GTSE1: variants seen among roughly 807,000 people sequenced by gnomAD.
The protein encoded by GTSE1 is G2 and S-phase expressed 1.
In GTSE1, 52 loss-of-function variants were observed where a neutral mutation model predicts 60.5. The ratio of observed to expected loss-of-function variants is 0.86; its 90% CI spans 0.69 to 1.08. GTSE1 has a LOEUF of 1.08. Ranked by LOEUF, GTSE1 falls within the 50% of genes least tolerant of loss-of-function variation. The pLI is 0.00. For synonymous variants in GTSE1, 368 were observed against 386.5 expected, an observed-to-expected ratio of 0.95 and a Z score of 0.56; for missense variants, 937 against 961.8, an observed-to-expected ratio of 0.97 and a Z score of 0.34.
At chr22:46,301,148 G>A (rs2077687200) in intron 2 of GTSE1, among the ~76,000 whole-genome samples, 1 of 152,214 alleles carries the variant, frequency 6.6e-6, no homozygotes, top group African/African-American at 2.4e-5. Context: ...CATCTGCTGT[G>A]GGTGAACATT....
Position 46,323,174 on chromosome 22 carries a change from C to A in GTSE1, c.1433-16C>A, listed in dbSNP as rs776179255. Reference sequence around the variant, plus strand: ...GATCACTTTACCTGACCGCACACTTCCTTTCTTGGACTTAGGTGACTCCCC... The same window carrying A: ...GATCACTTTACCTGACCGCACACTTACTTTCTTGGACTTAGGTGACTCCCC... On this transcript the variant is annotated splice_polypyrimidine_tract_variant and intron_variant, in intron 7 of 11. Transcript: ENST00000454366. 2 of 1,598,688 alleles carry A rather than the reference C, an allele frequency of 1.3e-6. No homozygotes were observed.
In GTSE1 at chr22:46,329,868, G is replaced by A. The variant is rs1047437833; in HGVS notation, c.2137-179G>A. On this transcript the variant is annotated intron_variant, in intron 11 of 11. Coordinates refer to ENST00000454366, the MANE Select transcript of GTSE1 (RefSeq NM_016426.7). This position sits in a 1 kb window ranked among gnomAD's most constrained non-coding sequence, Gnocchi z 6.4. ...GCATGGTGGGGGCCTGGGCTTCTCCGTGTGTGTCCTGTCTCCTTCCAGCTT... is the reference window on the plus strand; with the variant it reads ...GCATGGTGGGGGCCTGGGCTTCTCCATGTGTGTCCTGTCTCCTTCCAGCTT... 6.6e-6 allele frequency among the ~76,000 whole-genome samples: 1 copy of A among 152,226 alleles called. No homozygotes were observed. The highest frequency in any genetic ancestry group is 2.4e-5 in the African/African-American group (1 of 41,456).
chr22:46,308,830 T>C lies in GTSE1; in HGVS notation c.649T>C (p.Cys217Arg), dbSNP rs776875143. 1.5e-5 allele frequency: 24 copies of C among 1,613,212 alleles called. No homozygotes were observed. Among genetic ancestry groups the C allele is most frequent in the African/African-American group, 1.3e-4 (10 of 74,958 alleles). The part of the protein sequence containing the change: ...HSAHALPRES[C>R]TAHAASQAAT... ...TGCTCATGCTTTGCCCAGGGAATCATGCACTGCTCATGCTGCAAGTCAGGC... is the reference window on the plus strand; with the variant it reads ...TGCTCATGCTTTGCCCAGGGAATCACGCACTGCTCATGCTGCAAGTCAGGC... Residue 217 changes from cysteine to arginine, a missense_variant, in exon 4 of 12, where the codon TGC becomes CGC. Coordinates refer to ENST00000454366, the MANE Select transcript of GTSE1 (RefSeq NM_016426.7).
In GTSE1 at chr22:46,313,423, T is replaced by C. The variant is rs932627054; in HGVS notation, c.928-467T>C. 6.6e-6 allele frequency among the ~76,000 whole-genome samples: 1 copy of C among 152,208 alleles called. No homozygotes were observed. Among genetic ancestry groups the C allele is most frequent in the Non-Finnish European group, 1.5e-5 (1 of 68,034 alleles). On this transcript the variant is annotated intron_variant, in intron 5 of 11. Transcript: ENST00000454366. This position sits in a 1 kb window ranked among gnomAD's most constrained non-coding sequence, Gnocchi z 4.4. The stretch of plus-strand genomic sequence containing the variant: ...ATGCAGGGGTTTGAAGACTACACTT[T>C]GAGAAGTGCTGCTTGACTTTTTTCT...
chr22:46,304,115 G>A lies in GTSE1; in HGVS notation c.80-4035G>A, dbSNP rs555469307. Among the ~76,000 whole-genome samples the A allele has an allele frequency of 2.0e-5, 3 of 152,142 alleles. No homozygotes were observed. Among genetic ancestry groups the A allele is most frequent in the Admixed American group, 6.6e-5 (1 of 15,262 alleles). ...CGCAAGCTCCTGGGCTCAGCATCCT[G>A]AGTAGCTGGGACTACAGGTATATGG... On this transcript the variant is annotated intron_variant, in intron 2 of 11. Transcript: ENST00000454366. This position sits in a 1 kb window ranked among gnomAD's most constrained non-coding sequence, Gnocchi z 4.4.
chr22:46,317,881 C>T lies in GTSE1; in HGVS notation c.1432+1469C>T, dbSNP rs77691031. 0.041 allele frequency among the ~76,000 whole-genome samples: 6,197 copies of T among 152,150 alleles called. 174 individuals are homozygous for T. The highest frequency in any genetic ancestry group is 0.079 in the African/African-American group (3,265 of 41,554). On this transcript the variant is annotated intron_variant, in intron 7 of 11. Transcript: ENST00000454366. The surrounding 1 kb of genome is among the most constrained non-coding windows in gnomAD (Gnocchi z 5.6). ...GCTCCCTGGTAAGACGGCGGTTTCT[C>T]GGCCCTGTGAGCTCCGCTCGTTGCT...
Position 46,313,986 on chromosome 22 carries a change from G to A in GTSE1, c.1024G>A (p.Ala342Thr), listed in dbSNP as rs778285118. ...SGPVWSGASSACTSPAVGKAK... is the reference protein window; with the variant it reads ...SGPVWSGASSTCTSPAVGKAK... ...GCCTGTTTGGAGCGGGGCATCCAGT[G>A]CGTGCACATCCCCAGCAGTGGGCAA... is the stretch of plus-strand genomic sequence containing the variant. The change falls in exon 6 of 12, where the codon GCG (alanine) becomes ACG (threonine). Residue 342 changes from alanine (A) to threonine (T), a missense_variant. Physicochemically the swap from Ala to Thr is moderately conservative, Grantham distance 58 (BLOSUM62 0). Coordinates refer to ENST00000454366, the MANE Select transcript of GTSE1 (RefSeq NM_016426.7). This position sits in a 1 kb window ranked among gnomAD's most constrained non-coding sequence, Gnocchi z 4.4. The A allele has an allele frequency of 1.9e-6, 3 of 1,614,210 alleles. No homozygotes were observed. The highest frequency in any genetic ancestry group is 2.5e-6 in the Non-Finnish European group (3 of 1,180,014).
At chr22:46,312,634 G>A (rs1200666550) in intron 5 of GTSE1, among the ~76,000 whole-genome samples, 2 of 133,248 alleles carry the variant, frequency 1.5e-5, no homozygotes, top group Non-Finnish European at 3.1e-5. Context: ...ATGAGACCCT[G>A]TCTCAAAAAA....
Position 46,323,279 on chromosome 22 carries a change from C to A in GTSE1, c.1505+17C>A. The stretch of plus-strand genomic sequence containing the variant: ...AGTTGGCAGGTGAGTGACGTTGGTC[C>A]GCTTCCTCTCTTTATTGCTGTAGAA... On this transcript the variant is annotated intron_variant, in intron 8 of 11. Coordinates refer to ENST00000454366, the MANE Select transcript of GTSE1 (RefSeq NM_016426.7). 1 of 1,584,046 alleles carries A rather than the reference C, an allele frequency of 6.3e-7. No individual in the cohort carries two copies. The highest frequency in any genetic ancestry group is 1.3e-5 in the African/African-American group (1 of 74,254).
At chr22:46,300,626 T>G (rs1044598591) in intron 2 of GTSE1, among the ~76,000 whole-genome samples, 1 of 152,158 alleles carries the variant, frequency 6.6e-6, no homozygotes, top group Non-Finnish European at 1.5e-5. Flanking sequence ...CCCTCCAGGG[T>G]GGGCTGCATG....
At chr22:46,315,993 C>T in intron 6 of GTSE1, 39 bp from the exon 7 acceptor site, 1 of 1,453,472 alleles carries the variant, frequency 6.9e-7, no homozygotes, top group Non-Finnish European at 9.2e-7. Flanking sequence ...TAGCTTCATA[C>T]TTTTATAATA....
Position 46,329,572 on chromosome 22 carries a change from G to T in GTSE1, c.2136+5G>T. On this transcript the variant is annotated splice_donor_5th_base_variant and intron_variant, in intron 11 of 11. Coordinates refer to ENST00000454366, the MANE Select transcript of GTSE1 (RefSeq NM_016426.7). The surrounding 1 kb of genome is among the most constrained non-coding windows in gnomAD (Gnocchi z 6.4). Reference sequence around the variant, plus strand: ...CCTTCACCGGTGGTGGGACAGGTGAGAAGTGGCAGGTGGTTCATGTTGACT... The same window carrying T: ...CCTTCACCGGTGGTGGGACAGGTGATAAGTGGCAGGTGGTTCATGTTGACT... 1 of 1,609,054 alleles carries T rather than the reference G, an allele frequency of 6.2e-7. No homozygotes were observed. Among genetic ancestry groups the T allele is most frequent in the African/African-American group, 1.3e-5 (1 of 74,956 alleles).
intron 2 of GTSE1, among the ~76,000 whole-genome samples, chr22:46,307,294 A>G (rs1485729629): frequency 2.6e-5 from 4 of 152,168 alleles, no homozygotes; most frequent in Non-Finnish European, 5.9e-5. Context: ...TCATTGTTGA[A>G]CTATGAATAG....
chr22:46,305,558 A>G (rs183154615), intron 2 of GTSE1, among the ~76,000 whole-genome samples: 93 of 151,942 alleles, frequency 6.1e-4, no homozygotes, highest in Middle Eastern at 3.4e-3. Flanking sequence ...GTAGTGAGCC[A>G]AGATCACACC....
intron 9 of GTSE1, chr22:46,326,968 C>T (rs888264178): frequency 1.4e-5 from 3 of 210,028 alleles, no homozygotes; most frequent in Non-Finnish European, 2.8e-5. Flanking sequence ...TTTGGGAGGC[C>T]GAGGCAGGCA....
At position 46,321,943 on chromosome 22, in the gene GTSE1, G is replaced by A. The variant is rs915415919; in HGVS notation, c.1433-1247G>A. Among the ~76,000 whole-genome samples, 1 of 151,876 alleles carries A rather than the reference G, an allele frequency of 6.6e-6. No individual in the cohort carries two copies. The highest frequency in any genetic ancestry group is 2.1e-4 in the South Asian group (1 of 4,810). The stretch of plus-strand genomic sequence containing the variant: ...ACAAAAATTATCCGGGCGTGGTGGC[G>A]GGCACCTATAATTCCAGCTACTCAG... On this transcript the variant is annotated intron_variant, in intron 7 of 11. Coordinates refer to ENST00000454366, the MANE Select transcript of GTSE1 (RefSeq NM_016426.7). This position sits in a 1 kb window ranked among gnomAD's most constrained non-coding sequence, Gnocchi z 4.0.
At chr22:46,305,392 G>C (rs1427262048) in intron 2 of GTSE1, among the ~76,000 whole-genome samples, 1 of 146,482 alleles carries the variant, frequency 6.8e-6, no homozygotes, top group Admixed American at 6.8e-5. Flanking sequence ...GAGGGATCAC[G>C]AGGTCAGGAG....
rs764129714 is a variant in GTSE1 at position 46,330,112 on chromosome 22, C to A, written c.2202C>A (p.Ser734=). The change falls in exon 12 of 12, where the codon TCC becomes TCA. Residue 734 remains serine, a synonymous_variant. Coordinates refer to ENST00000454366, the MANE Select transcript of GTSE1 (RefSeq NM_016426.7). This position sits in a 1 kb window ranked among gnomAD's most constrained non-coding sequence, Gnocchi z 6.0. Reference sequence around the variant, plus strand: ...AGGCTGACAAGGAGAACGTGGATTCCCCACTCCTCAAGTTCTAAGCCGAAC... The same window carrying A: ...AGGCTGACAAGGAGAACGTGGATTCACCACTCCTCAAGTTCTAAGCCGAAC... ...SPEADKENVD[S]PLLKF 1.2e-6 allele frequency: 2 copies of A among 1,604,294 alleles called. No individual in the cohort carries two copies. The highest frequency in any genetic ancestry group is 2.2e-5 in the South Asian group (2 of 90,870).
intron 2 of GTSE1, among the ~76,000 whole-genome samples, chr22:46,307,695 G>C (rs893267200): frequency 6.6e-6 from 1 of 152,056 alleles, no homozygotes; most frequent in Non-Finnish European, 1.5e-5. Context: ...TAGAGACGGG[G>C]TTTCACCATG....
Sources: gnomAD v4.1 joint callset for allele counts (sites outside exome capture counted in the v4.1 genomes callset) on GRCh38, gnomAD v4.1.1 for gene constraint, Gnocchi (gnomAD v3.1) non-coding constraint, MANE v1.5 for transcripts, NCBI Gene and HGNC (gene_info 2026-07-23, HGNC 2026-07-21) for gene names.